Variants in IQCK observed in about 807,000 individuals in gnomAD.
IQCK encodes the protein IQ domain-containing protein K.
Under a neutral mutation model 28.1 loss-of-function variants are expected in IQCK, and 29 were observed. The observed-to-expected ratio is 1.03, with a 90% CI of 0.77 to 1.41. The LOEUF (loss-of-function observed/expected upper bound fraction) is 1.41, where lower values mean the gene tolerates loss of function less well. Among genes scored for constraint, IQCK ranks in the 40% most tolerant of loss-of-function variants. The pLI is 0.00. For synonymous variants in IQCK, 113 were observed against 115.1 expected (o/e 0.98, Z 0.12); for missense variants, 359 against 314.7 (o/e 1.14, Z -1.07).
rs184546807 is a variant in IQCK at position 19,749,314 on chromosome 16, A to T, written c.474+13864A>T. The stretch of plus-strand genomic sequence containing the variant: ...ACGTTCCGAAGCTGAACGCCTTCCA[A>T]CTACACAGGTCAGCTACCTGTTTTT... On this transcript the variant is annotated intron_variant, in intron 4 of 7. Transcript: ENST00000564186. 4.6e-5 allele frequency among the ~76,000 whole-genome samples: 7 copies of T among 152,320 alleles called. No individual in the cohort carries two copies. In the East Asian group the frequency reaches 9.6e-4, roughly 21 times the overall value.
intron 6 of IQCK, among the ~76,000 whole-genome samples, chr16:19,774,626 A>T (rs917268836): frequency 1.4e-4 from 21 of 152,084 alleles, no homozygotes; most frequent in African/African-American, 5.1e-4. Context: ...GGCCTTCCAA[A>T]GTGCTGGGAT....
chr16:19,743,866 T>A lies in IQCK; in HGVS notation c.474+8416T>A, dbSNP rs2054869911. Among the ~76,000 whole-genome samples the A allele has an allele frequency of 1.3e-5, 2 of 152,262 alleles. 1 individual carries two copies. The highest frequency in any genetic ancestry group is 4.1e-4 in the South Asian group (2 of 4,824). Reference sequence around the variant, plus strand: ...GGTTGTCCTGCCAGTACCATGAAACTCCAAGGAAGACCAGGGGGAACAGAG... The same window carrying A: ...GGTTGTCCTGCCAGTACCATGAAACACCAAGGAAGACCAGGGGGAACAGAG... On this transcript the variant is annotated intron_variant, in intron 4 of 7. Transcript: ENST00000564186.
intron 4 of IQCK, among the ~76,000 whole-genome samples, chr16:19,747,818 G>A (rs2054932839): frequency 6.6e-6 from 1 of 152,154 alleles, no homozygotes; most frequent in African/African-American, 2.4e-5. Context: ...AAATACATGA[G>A]TTTGTTCCCT....
At chr16:19,781,043 G>T (rs1244206853) in intron 6 of IQCK, among the ~76,000 whole-genome samples, 1 of 152,168 alleles carries the variant, frequency 6.6e-6, no homozygotes, top group Admixed American at 6.5e-5. Flanking sequence ...GGTTTGAAAA[G>T]GGTGGGGAGG....
intron 4 of IQCK, chr16:19,761,389 T>A (rs1352945439): frequency 1.1e-5 from 5 of 455,852 alleles, no homozygotes; most frequent in South Asian, 7.7e-5. Context: ...AGGAGCCTGG[T>A]TTATGTGAAC....
chr16:19,824,017 G>A (rs999523173), intron 7 of IQCK, among the ~76,000 whole-genome samples: 1 of 152,156 alleles, frequency 6.6e-6, no homozygotes, highest in Non-Finnish European at 1.5e-5. Context: ...GACCAGTTTC[G>A]TGGAAAACAG....
intron 1 of IQCK, among the ~76,000 whole-genome samples, chr16:19,725,385 C>T (rs1977623540): frequency 6.6e-6 from 1 of 152,078 alleles, no homozygotes; most frequent in Admixed American, 6.6e-5. Flanking sequence ...GTTGTAGAGA[C>T]AGGGTTTCAC....
chr16:19,733,679 C>T lies in IQCK; in HGVS notation c.247-19C>T, dbSNP rs947230730. 2 of 1,612,918 alleles carry T rather than the reference C, an allele frequency of 1.2e-6. No homozygotes were observed. Among genetic ancestry groups the T allele is most frequent in the South Asian group, 1.1e-5 (1 of 90,800 alleles). ...AAGCTGTTTAAATGAATTGCCTCCC[C>T]TCCCCTGTCTGCCTCCAGGTTGCGC... is the stretch of plus-strand genomic sequence containing the variant. On this transcript the variant is annotated intron_variant, in intron 2 of 7. Coordinates refer to ENST00000564186, the Ensembl canonical transcript of IQCK.
At chr16:19,777,978 G>A (rs557462570) in intron 6 of IQCK, among the ~76,000 whole-genome samples, 136 of 152,178 alleles carry the variant, frequency 8.9e-4, no homozygotes, top group Non-Finnish European at 1.7e-3. Flanking sequence ...GCTTCAACCC[G>A]GGAGGCAGAG....
chr16:19,759,286 G>A (rs2055099784), intron 4 of IQCK, among the ~76,000 whole-genome samples: 2 of 152,074 alleles, frequency 1.3e-5, no homozygotes, highest in African/African-American at 2.4e-5. Flanking sequence ...ATAGCTCACC[G>A]CAACCTCCGC....
At chr16:19,751,202 A>G (rs796902141) in intron 4 of IQCK, among the ~76,000 whole-genome samples, 5 of 152,240 alleles carry the variant, frequency 3.3e-5, no homozygotes, top group African/African-American at 1.2e-4. Context: ...GTTATTAAGA[A>G]TTGTGCTTGG....
chr16:19,726,716 CT>C (rs1289684107), intron 1 of IQCK, among the ~76,000 whole-genome samples: 1 of 152,194 alleles, frequency 6.6e-6, no homozygotes, highest in Non-Finnish European at 1.5e-5. Context: ...TTAAAAGTAA[CT>C]TACGATATGG....
chr16:19,793,642 G>GTTT (rs1567559545), intron 7 of IQCK, among the ~76,000 whole-genome samples: 1 of 74,034 alleles, frequency 1.4e-5, no homozygotes, highest in Non-Finnish European at 2.4e-5. Flanking sequence ...ATCTCAGTTG[G>GTTT]GTTTTTTTTT....
chr16:19,783,323 G>A (rs2055517167), intron 6 of IQCK, among the ~76,000 whole-genome samples: 1 of 152,028 alleles, frequency 6.6e-6, no homozygotes, highest in African/African-American at 2.4e-5. Context: ...GGGTTCAAAT[G>A]TATTCACATT....
At chr16:19,732,574 C>T (rs552075481) in intron 2 of IQCK, among the ~76,000 whole-genome samples, 1 of 152,318 alleles carries the variant, frequency 6.6e-6, no homozygotes, top group East Asian at 1.9e-4. Flanking sequence ...GATCTTCCCG[C>T]CTTTTCCTCC....
intron 7 of IQCK, among the ~76,000 whole-genome samples, chr16:19,805,602 A>G (rs373210587): frequency 2.0e-4 from 31 of 151,982 alleles, no homozygotes; most frequent in African/African-American, 6.8e-4. Flanking sequence ...TCAGTTAGCT[A>G]TTGTCACAAT....
chr16:19,840,549 AAG>A (rs1349157926), intron 9 of IQCK, among the ~76,000 whole-genome samples: 1 of 152,230 alleles, frequency 6.6e-6, no homozygotes, highest in African/African-American at 2.4e-5. Flanking sequence ...AAATAATAAA[AAG>A]GAGTGTTTGT....
intron 6 of IQCK, among the ~76,000 whole-genome samples, chr16:19,777,212 G>A (rs2055408014): frequency 6.6e-6 from 1 of 152,100 alleles, no homozygotes; most frequent in South Asian, 2.1e-4. Flanking sequence ...GGGGGGCTGG[G>A]GGAACCTATG....
intron 6 of IQCK, among the ~76,000 whole-genome samples, chr16:19,782,582 C>G (rs1035518548): frequency 1.3e-5 from 2 of 151,972 alleles, no homozygotes; most frequent in Non-Finnish European, 2.9e-5. Context: ...GAGCTATGAT[C>G]ATGCCACTAC....
Sources: allele counts gnomAD v4.1 joint callset (sites outside exome capture counted in the v4.1 genomes callset), GRCh38; gene constraint gnomAD v4.1.1; transcripts MANE v1.5; gene names NCBI Gene and HGNC (gene_info 2026-07-23, HGNC 2026-07-21).